LINGO2: variants seen among roughly 807,000 people sequenced by gnomAD.
The protein encoded by LINGO2 is leucine-rich repeat and immunoglobulin-like domain-containing nogo receptor-interacting protein 2.
A neutral mutation model predicts 30.6 loss-of-function variants in LINGO2; 14 were observed. The observed-to-expected ratio is 0.46, with a 90% CI of 0.30 to 0.72. LINGO2 has a LOEUF of 0.72. LINGO2 is among the 30% of genes least tolerant of loss of function. The probability of loss-of-function intolerance (pLI) is 0.07; values close to 1 mark genes in which losing one functional copy is unlikely to be tolerated. For synonymous variants in LINGO2, 317 were observed against 288.5 expected (o/e 1.10, Z -1.00); for missense variants, 729 against 751.7 (o/e 0.97, Z 0.35).
At chr9:28,917,822 G>A in the LINGO2 span, among the ~76,000 whole-genome samples, 2 of 152,000 alleles carry the variant, frequency 1.3e-5, no homozygotes, top group South Asian at 4.2e-4. Context: ...TATAAAAGAT[G>A]ATTGAATCAA....
chr9:28,682,873 C>A, the LINGO2 span, among the ~76,000 whole-genome samples: 1 of 151,686 alleles, frequency 6.6e-6, no homozygotes, highest in Non-Finnish European at 1.5e-5. Context: ...ATGGCAGATA[C>A]TTTTTTTATT....
At chr9:28,307,458 C>T (rs1824415786) in intron 3 of LINGO2, among the ~76,000 whole-genome samples, 1 of 152,136 alleles carries the variant, frequency 6.6e-6, no homozygotes, top group Non-Finnish European at 1.5e-5. Context: ...CTATGACAAA[C>T]CCACAACCAA....
At chr9:28,918,761 T>C in the LINGO2 span, among the ~76,000 whole-genome samples, 19 of 152,346 alleles carry the variant, frequency 1.2e-4, no homozygotes, top group East Asian at 3.7e-3. Context: ...CACAGCTTCA[T>C]GTTTATCTTG....
intron 4 of LINGO2, among the ~76,000 whole-genome samples, chr9:28,214,332 A>G (rs1226672558): frequency 6.6e-6 from 1 of 151,614 alleles, no homozygotes; most frequent in African/African-American, 2.4e-5. Flanking sequence ...GTCATTCCCA[A>G]TCATTTGTCA....
chr9:28,802,929 G>A, the LINGO2 span, among the ~76,000 whole-genome samples: 16 of 151,920 alleles, frequency 1.1e-4, no homozygotes, highest in Non-Finnish European at 1.9e-4. Flanking sequence ...TCATGTCCCG[G>A]GAGTCAATGA....
chr9:28,805,959 T>C, the LINGO2 span, among the ~76,000 whole-genome samples: 1 of 152,106 alleles, frequency 6.6e-6, no homozygotes, highest in Non-Finnish European at 1.5e-5. Flanking sequence ...AATAAAAGTA[T>C]AAAATATCCT....
At chr9:29,103,608 T>C in the LINGO2 span, among the ~76,000 whole-genome samples, 2 of 152,158 alleles carry the variant, frequency 1.3e-5, no homozygotes, top group African/African-American at 2.4e-5. Flanking sequence ...GATGAAATTA[T>C]AGAATCAATA....
intron 4 of LINGO2, among the ~76,000 whole-genome samples, chr9:28,100,594 A>G (rs1826385467): frequency 2.0e-5 from 3 of 152,148 alleles, no homozygotes; most frequent in African/African-American, 7.2e-5. Context: ...GAAGAAGACA[A>G]TTCTAGTTGG....
At chr9:29,029,255 G>A in the LINGO2 span, among the ~76,000 whole-genome samples, 3 of 152,086 alleles carry the variant, frequency 2.0e-5, no homozygotes, top group Non-Finnish European at 2.9e-5. Flanking sequence ...CTGCCTGAGT[G>A]ACCTTAGGTA....
At chr9:29,120,279 A>T in the LINGO2 span, among the ~76,000 whole-genome samples, 1 of 152,186 alleles carries the variant, frequency 6.6e-6, no homozygotes, top group African/African-American at 2.4e-5. Flanking sequence ...AACTATATGA[A>T]ACTACAGAAA....
intron 1 of LINGO2, among the ~76,000 whole-genome samples, chr9:28,597,721 C>A (rs1169413791): frequency 6.6e-5 from 10 of 152,034 alleles, no homozygotes; most frequent in Admixed American, 5.9e-4. Context: ...AATTATAAAA[C>A]TATTTTGTAT....
the LINGO2 span, among the ~76,000 whole-genome samples, chr9:28,908,791 A>T: frequency 6.6e-6 from 1 of 151,942 alleles, no homozygotes; most frequent in Admixed American, 6.6e-5. Context: ...TTCATTTGTT[A>T]AGGTTCCTCT....
At chr9:28,523,990 A>T (rs763121286) in intron 1 of LINGO2, among the ~76,000 whole-genome samples, 1 of 152,134 alleles carries the variant, frequency 6.6e-6, no homozygotes, top group Non-Finnish European at 1.5e-5. Context: ...TGAAAATAAA[A>T]GATAAAAATC....
chr9:28,477,798 A>T (rs750718650), intron 1 of LINGO2, among the ~76,000 whole-genome samples: 6 of 152,214 alleles, frequency 3.9e-5, no homozygotes, highest in Non-Finnish European at 8.8e-5. Flanking sequence ...TTCTTTGGTT[A>T]AAATTATTCA....
chr9:28,347,800 G>A (rs1447467666), intron 3 of LINGO2, among the ~76,000 whole-genome samples: 1 of 152,198 alleles, frequency 6.6e-6, no homozygotes, highest in Non-Finnish European at 1.5e-5. Flanking sequence ...AACCACTTAA[G>A]TGGGAAGACA....
the LINGO2 span, among the ~76,000 whole-genome samples, chr9:28,854,960 C>A: frequency 6.6e-6 from 1 of 151,996 alleles, no homozygotes; most frequent in African/African-American, 2.4e-5. Flanking sequence ...AAAATGAATA[C>A]AGAGCCAACA....
intron 4 of LINGO2, among the ~76,000 whole-genome samples, chr9:28,040,658 T>G (rs1824160548): frequency 6.6e-6 from 1 of 152,150 alleles, no homozygotes; most frequent in African/African-American, 2.4e-5. Flanking sequence ...GTCTACTACC[T>G]AATAGCTGCT....
the LINGO2 span, among the ~76,000 whole-genome samples, chr9:28,769,491 TATATATATATATATATATATATATATA>T: frequency 0.02 from 133 of 6,728 alleles, 7 homozygotes; most frequent in African/African-American, 0.079. Context: ...TATATATATA[TATATATATATATATATATATATATATA>T]TTTTTTTTTT....
At chr9:28,367,476 G>A (rs1010950124) in intron 3 of LINGO2, among the ~76,000 whole-genome samples, 6 of 151,818 alleles carry the variant, frequency 4.0e-5, no homozygotes, top group African/African-American at 1.5e-4. Context: ...CCTGGGAAAT[G>A]TTATCTCCTT....
Sources: gnomAD v4.1 joint callset for allele counts (sites outside exome capture counted in the v4.1 genomes callset) on GRCh38, gnomAD v4.1.1 for gene constraint, MANE v1.5 for transcripts, NCBI Gene and HGNC (gene_info 2026-07-23, HGNC 2026-07-21) for gene names.